The following SEMA6D variants were observed in gnomAD, a reference collection of about 807,000 sequenced individuals.
The protein encoded by SEMA6D is semaphorin-6D.
In SEMA6D, 35 loss-of-function variants were observed where a neutral mutation model predicts 106.6. The observed-to-expected ratio is 0.33, with a 90% CI of 0.25 to 0.44. The LOEUF (loss-of-function observed/expected upper bound fraction) is 0.44. Among genes scored for constraint, SEMA6D ranks in the 20% least tolerant of loss-of-function variants. SEMA6D has a pLI of 1.00. For synonymous variants in SEMA6D, 499 were observed against 487.7 expected (o/e 1.02, Z -0.31); for missense variants, 1,185 against 1,345.9 (o/e 0.88, Z 1.87).
chr15:47,281,506 T>C (rs551924957), intron 1 of SEMA6D, among the ~76,000 whole-genome samples: 11 of 151,264 alleles, frequency 7.3e-5, no homozygotes, highest in East Asian at 2.0e-4. Flanking sequence ...TGTCTTTTAA[T>C]TGGAGCATTT....
At chr15:47,608,415 T>A (rs911154300) in intron 4 of SEMA6D, among the ~76,000 whole-genome samples, 1 of 152,192 alleles carries the variant, frequency 6.6e-6, no homozygotes, top group Non-Finnish European at 1.5e-5. Flanking sequence ...ATGAGCTTCC[T>A]CCTTACCTGT....
At chr15:47,601,730 G>T (rs895869353) in intron 4 of SEMA6D, among the ~76,000 whole-genome samples, 1 of 152,276 alleles carries the variant, frequency 6.6e-6, no homozygotes, top group African/African-American at 2.4e-5. Flanking sequence ...AAATTTTAAA[G>T]TTCTCCATGT....
intron 1 of SEMA6D, among the ~76,000 whole-genome samples, chr15:47,245,141 G>T (rs1595531424): frequency 6.6e-6 from 1 of 151,748 alleles, no homozygotes; most frequent in South Asian, 2.1e-4. Context: ...TTGTGAATGT[G>T]TATAGTACTG....
chr15:47,356,618 C>T (rs1253691013), intron 1 of SEMA6D, among the ~76,000 whole-genome samples: 1 of 151,716 alleles, frequency 6.6e-6, no homozygotes, highest in East Asian at 1.9e-4. Context: ...GATATGAGGG[C>T]TGGACCATGC....
At chr15:47,382,533 G>T (rs1595874554) in intron 1 of SEMA6D, among the ~76,000 whole-genome samples, 1 of 152,034 alleles carries the variant, frequency 6.6e-6, no homozygotes, top group African/African-American at 2.4e-5. Flanking sequence ...GGACCACAAA[G>T]CTGTGTTTAT....
intron 3 of SEMA6D, among the ~76,000 whole-genome samples, chr15:47,487,055 T>C (rs2043316150): frequency 6.6e-6 from 1 of 152,202 alleles, no homozygotes; most frequent in Non-Finnish European, 1.5e-5. Flanking sequence ...TAAACAAATA[T>C]GCAAATGAAT....
chr15:47,203,227 T>C (rs2141103446), intron 1 of SEMA6D, among the ~76,000 whole-genome samples: 1 of 152,192 alleles, frequency 6.6e-6, no homozygotes, highest in African/African-American at 2.4e-5. Flanking sequence ...TCAAGTTCCC[T>C]CTAACCTTGT....
intron 1 of SEMA6D, among the ~76,000 whole-genome samples, chr15:47,341,122 G>A (rs977693458): frequency 6.6e-6 from 1 of 152,126 alleles, no homozygotes. Flanking sequence ...GGGGCTGGGC[G>A]TGGTGGCCTG....
At chr15:47,491,339 A>G (rs1216373648) in intron 3 of SEMA6D, among the ~76,000 whole-genome samples, 1 of 152,204 alleles carries the variant, frequency 6.6e-6, no homozygotes, top group Admixed American at 6.5e-5. Context: ...CACATAAACT[A>G]GTATTACAGA....
chr15:47,256,782 C>T (rs2033826152), intron 1 of SEMA6D, among the ~76,000 whole-genome samples: 2 of 152,004 alleles, frequency 1.3e-5, no homozygotes, highest in South Asian at 2.1e-4. Flanking sequence ...TCACTTGAAC[C>T]CGGGAGGTGG....
rs553485571 is a variant in SEMA6D, at chr15:47,684,774, T to C, written c.-54-74971T>C. Among the ~76,000 whole-genome samples, 4 of 152,332 alleles carry C rather than the reference T, an allele frequency of 2.6e-5. No individual in the cohort carries two copies. In the South Asian group the frequency reaches 8.3e-4, roughly 32 times the overall value. ...AAATGTGTGTGAATTGGAAGATTTATCACAATTAGCATGAGTTTCAATTAT... is the reference window on the plus strand; with the variant it reads ...AAATGTGTGTGAATTGGAAGATTTACCACAATTAGCATGAGTTTCAATTAT... On this transcript the variant is annotated intron_variant, in intron 4 of 19. Coordinates refer to the SEMA6D transcript ENST00000558014.
intron 1 of SEMA6D, among the ~76,000 whole-genome samples, chr15:47,295,613 T>C (rs2035773190): frequency 1.3e-5 from 2 of 152,180 alleles, no homozygotes; most frequent in African/African-American, 2.4e-5. Flanking sequence ...TGGAGATCTT[T>C]AAAGCAATGA....
At chr15:47,346,549 G>A (rs1396412245) in intron 1 of SEMA6D, among the ~76,000 whole-genome samples, 1 of 152,144 alleles carries the variant, frequency 6.6e-6, no homozygotes, top group Non-Finnish European at 1.5e-5. Flanking sequence ...AAGGTAATGG[G>A]AGAAGAGTTA....
intron 3 of SEMA6D, among the ~76,000 whole-genome samples, chr15:47,538,846 G>T (rs1030420685): frequency 1.3e-5 from 2 of 152,050 alleles, no homozygotes; most frequent in Admixed American, 1.3e-4. Context: ...TAGAAAATTT[G>T]GTTATTTAAA....
intron 3 of SEMA6D, among the ~76,000 whole-genome samples, chr15:47,584,994 G>C (rs554559386): frequency 7.9e-5 from 12 of 152,318 alleles, no homozygotes; most frequent in African/African-American, 2.9e-4. Context: ...ACAGGCATCG[G>C]AGATTTAGGG....
intron 18 of SEMA6D, among the ~76,000 whole-genome samples, chr15:47,769,023 C>G (rs978132186): frequency 1.3e-5 from 2 of 152,168 alleles, no homozygotes; most frequent in African/African-American, 4.8e-5. Context: ...AAGCAGAGAG[C>G]CTGCTGGATT....
intron 4 of SEMA6D, among the ~76,000 whole-genome samples, chr15:47,664,522 T>C (rs1327261293): frequency 6.6e-6 from 1 of 152,196 alleles, no homozygotes; most frequent in East Asian, 1.9e-4. Flanking sequence ...TCAAAAAGCA[T>C]GCAAATGTCA....
chr15:47,599,451 T>TC (rs1360463125), intron 3 of SEMA6D, among the ~76,000 whole-genome samples: 1 of 149,594 alleles, frequency 6.7e-6, no homozygotes, highest in Non-Finnish European at 1.5e-5. Flanking sequence ...GCCTTACGCT[T>TC]TTTTTTTTTC....
intron 1 of SEMA6D, among the ~76,000 whole-genome samples, chr15:47,722,776 A>G (rs547208820): frequency 4.6e-5 from 7 of 152,356 alleles, no homozygotes; most frequent in Non-Finnish European, 8.8e-5. Flanking sequence ...AGAAGAGGAA[A>G]GAACAGCAGC....
Sources: allele counts gnomAD v4.1 joint callset (sites outside exome capture counted in the v4.1 genomes callset), GRCh38; gene constraint gnomAD v4.1.1; transcripts MANE v1.5; gene names NCBI Gene and HGNC (gene_info 2026-07-23, HGNC 2026-07-21).